Variants in JAK1 observed in about 807,000 individuals in gnomAD.
JAK1 encodes the protein tyrosine-protein kinase JAK1.
Under a neutral mutation model 136.6 loss-of-function variants are expected in JAK1, and 16 were observed. The observed-to-expected ratio is 0.12, with a 90% confidence interval of 0.08 to 0.18. The LOEUF (loss-of-function observed/expected upper bound fraction) is 0.18. Among genes scored for constraint, JAK1 ranks in the 10% least tolerant of loss-of-function variants. The pLI is 1.00. For missense variants in JAK1, 859 were observed against 1,450.1 expected (o/e 0.59, Z 6.62); for synonymous variants, 492 against 519.5 (o/e 0.95, Z 0.72).
intron 22 of JAK1, among the ~76,000 whole-genome samples, chr1:64,837,316 T>C (rs562978120): frequency 2.6e-5 from 4 of 152,294 alleles, no homozygotes; most frequent in Non-Finnish European, 4.4e-5. Context: ...TTTGTGTCCA[T>C]GTAGGATGCA....
intron 1 of JAK1, among the ~76,000 whole-genome samples, chr1:64,932,436 A>G (rs1056002360): frequency 6.6e-6 from 1 of 152,084 alleles, no homozygotes; most frequent in African/African-American, 2.4e-5. Context: ...ATAAATAAAT[A>G]AGAAATCTGA....
intron 1 of JAK1, among the ~76,000 whole-genome samples, chr1:64,889,521 G>T (rs1350811573): frequency 6.6e-6 from 1 of 152,002 alleles, no homozygotes; most frequent in Non-Finnish European, 1.5e-5. Flanking sequence ...AAAAAATCAG[G>T]GAAATTTTGT....
chr1:64,885,666 T>C (rs889034829), intron 2 of JAK1, among the ~76,000 whole-genome samples: 4 of 151,920 alleles, frequency 2.6e-5, no homozygotes, highest in African/African-American at 7.3e-5. Flanking sequence ...GACAGGAGAA[T>C]TGCTTGAACC....
intron 1 of JAK1, among the ~76,000 whole-genome samples, chr1:64,905,040 G>C (rs1483136500): frequency 2.0e-5 from 3 of 152,200 alleles, no homozygotes; most frequent in Non-Finnish European, 4.4e-5. Context: ...CTAGGGAACA[G>C]TGGAGGCCCC....
At chr1:64,930,085 G>C (rs970761205) in intron 1 of JAK1, among the ~76,000 whole-genome samples, 2 of 151,960 alleles carry the variant, frequency 1.3e-5, no homozygotes, top group Non-Finnish European at 2.9e-5. Flanking sequence ...TCAGGACACA[G>C]GCATGGGCAA....
chr1:64,855,055 A>G (rs1655841152), intron 11 of JAK1, among the ~76,000 whole-genome samples: 2 of 152,192 alleles, frequency 1.3e-5, no homozygotes, highest in South Asian at 4.1e-4. Context: ...CAGTGGCCTC[A>G]TTTACCTGTA....
intron 1 of JAK1, among the ~76,000 whole-genome samples, chr1:64,886,791 C>G (rs1000528901): frequency 3.8e-5 from 4 of 105,048 alleles, no homozygotes; most frequent in African/African-American, 1.7e-4. Flanking sequence ...CACACACACA[C>G]AGAGCTTTGT....
intron 1 of JAK1, among the ~76,000 whole-genome samples, chr1:64,894,985 C>T (rs1008507346): frequency 6.6e-6 from 1 of 152,122 alleles, no homozygotes; most frequent in African/African-American, 2.4e-5. Context: ...TTAGTCTTCA[C>T]CAAGGCGGCA....
At chr1:64,957,270 T>C (rs575565188) in intron 1 of JAK1, among the ~76,000 whole-genome samples, 10 of 152,294 alleles carry the variant, frequency 6.6e-5, no homozygotes, top group African/African-American at 2.4e-4. Context: ...AATCTCATCA[T>C]GTTACTACCC....
intron 5 of JAK1, among the ~76,000 whole-genome samples, chr1:64,873,065 T>C (rs1415961791): frequency 1.3e-5 from 2 of 152,248 alleles, no homozygotes; most frequent in East Asian, 3.9e-4. Context: ...AGCTTCCCTC[T>C]GACCTCTGCA....
At chr1:65,009,680 A>G (rs1362854213) in intron 2 of JAK1, among the ~76,000 whole-genome samples, 1 of 152,248 alleles carries the variant, frequency 6.6e-6, no homozygotes, top group Non-Finnish European at 1.5e-5. Flanking sequence ...AGCCTTTTAC[A>G]TATGCTAACT....
chr1:65,027,768 G>A (rs1243787533), intron 2 of JAK1, among the ~76,000 whole-genome samples: 10 of 152,140 alleles, frequency 6.6e-5, no homozygotes, highest in Non-Finnish European at 1.2e-4. Flanking sequence ...AAAGTCCCAC[G>A]TTGCATGGCA....
At chr1:64,969,768 G>A (rs530174915), upstream of JAK1, among the ~76,000 whole-genome samples, 15 of 152,180 alleles carry the variant, frequency 9.9e-5, no homozygotes, top group South Asian at 3.1e-3. Flanking sequence ...GCTGACCAAG[G>A]ATGCCACCGA....
chr1:65,021,075 C>A (rs191328528), intron 2 of JAK1, among the ~76,000 whole-genome samples: 16 of 152,248 alleles, frequency 1.1e-4, no homozygotes, highest in African/African-American at 3.6e-4. Context: ...TGTCTGTGCT[C>A]CTTGTTGGTG....
Position 64,984,256 on chromosome 1 carries a change from G to A in JAK1, c.-78+60224C>T, listed in dbSNP as rs1471769852. On this transcript the variant is annotated intron_variant, in intron 2 of 25. Coordinates refer to the JAK1 transcript ENST00000671954. The surrounding 1 kb of genome is among the most constrained non-coding windows in gnomAD (Gnocchi z 4.1). ...ACAGTGTGTGTGTATCTGCTTCCTG[G>A]TAAGTCTGCGGTTGGGGGAACTGCA... Among the ~76,000 whole-genome samples, 1 of 152,016 alleles carries A rather than the reference G, an allele frequency of 6.6e-6. No homozygotes were observed. Among genetic ancestry groups the A allele is most frequent in the Non-Finnish European group, 1.5e-5 (1 of 68,010 alleles).
intron 1 of JAK1, among the ~76,000 whole-genome samples, chr1:64,953,803 G>T (rs1482300308): frequency 6.6e-6 from 1 of 152,030 alleles, no homozygotes; most frequent in East Asian, 1.9e-4. Context: ...GGGATTACAG[G>T]TGCGTGCTGC....
At chr1:65,048,236 G>T (rs944043155) in intron 1 of JAK1, among the ~76,000 whole-genome samples, 1 of 152,172 alleles carries the variant, frequency 6.6e-6, no homozygotes, top group African/African-American at 2.4e-5. Context: ...GTGACATCAG[G>T]TAAGTGACCT....
chr1:64,878,381 G>C (rs931972844), intron 4 of JAK1, among the ~76,000 whole-genome samples: 1 of 151,934 alleles, frequency 6.6e-6, no homozygotes, highest in East Asian at 1.9e-4. Context: ...GTGCCCATCA[G>C]AAGAAAAATT....
intron 11 of JAK1, among the ~76,000 whole-genome samples, chr1:64,852,568 T>C (rs1381721692): frequency 2.6e-5 from 4 of 152,068 alleles, no homozygotes; most frequent in African/African-American, 7.2e-5. Context: ...CCGTGGCTGG[T>C]GTCCACAGGC....
Sources: allele counts gnomAD v4.1 joint callset (sites outside exome capture counted in the v4.1 genomes callset), GRCh38; gene constraint gnomAD v4.1.1; non-coding constraint Gnocchi (gnomAD v3.1); transcripts MANE v1.5; gene names NCBI Gene and HGNC (gene_info 2026-07-23, HGNC 2026-07-21).